Variants in SPMIP7 observed in about 807,000 individuals in gnomAD.
SPMIP7 encodes the protein protein SPMIP7.
the SPMIP7 span, among the ~76,000 whole-genome samples, chr7:50,110,667 A>ATATATAT: frequency 7.3e-6 from 1 of 136,514 alleles, no homozygotes; most frequent in Non-Finnish European, 1.5e-5. Flanking sequence ...TGTGTACATC[A>ATATATAT]CATATATCAT....
the SPMIP7 span, among the ~76,000 whole-genome samples, chr7:50,155,708 G>A: frequency 5.3e-5 from 8 of 151,680 alleles, no homozygotes; most frequent in African/African-American, 1.5e-4. Flanking sequence ...TACTCCCAGA[G>A]AATATAACTT....
At chr7:50,112,389 G>A in the SPMIP7 span, among the ~76,000 whole-genome samples, 5 of 152,022 alleles carry the variant, frequency 3.3e-5, no homozygotes, top group Non-Finnish European at 7.4e-5. Flanking sequence ...TGCTGAAGGA[G>A]ACTATCCTGT....
the SPMIP7 span, among the ~76,000 whole-genome samples, chr7:50,152,335 A>C: frequency 2.6e-5 from 4 of 151,860 alleles, no homozygotes; most frequent in African/African-American, 7.3e-5. Context: ...ACAGAGTGAG[A>C]CTCCATCTAA....
the SPMIP7 span, among the ~76,000 whole-genome samples, chr7:50,102,594 C>A: frequency 2.0e-5 from 3 of 152,254 alleles, no homozygotes; most frequent in African/African-American, 7.2e-5. Flanking sequence ...CCTTCTAAAG[C>A]CACAGACTAT....
the SPMIP7 span, among the ~76,000 whole-genome samples, chr7:50,147,269 G>A: frequency 6.6e-6 from 1 of 152,176 alleles, no homozygotes; most frequent in Non-Finnish European, 1.5e-5. Context: ...GCAGCCCACT[G>A]TGAGCTAATG....
the SPMIP7 span, among the ~76,000 whole-genome samples, chr7:50,130,634 A>G: frequency 2.0e-5 from 3 of 152,128 alleles, no homozygotes; most frequent in East Asian, 1.9e-4. Flanking sequence ...AGATAAGTCT[A>G]TTAAGAAAAG....
chr7:50,126,995 G>C, the SPMIP7 span, among the ~76,000 whole-genome samples: 1 of 152,022 alleles, frequency 6.6e-6, no homozygotes, highest in Non-Finnish European at 1.5e-5. Flanking sequence ...CACACTTCCT[G>C]ACTTCAAAAT....
the SPMIP7 span, among the ~76,000 whole-genome samples, chr7:50,103,435 G>A: frequency 8.5e-5 from 13 of 152,166 alleles, no homozygotes; most frequent in African/African-American, 3.1e-4. Context: ...CAATCCATCT[G>A]CAGGTTGAGT....
chr7:50,103,066 A>ATAAT, the SPMIP7 span, among the ~76,000 whole-genome samples: 39 of 136,004 alleles, frequency 2.9e-4, no homozygotes, highest in Non-Finnish European at 5.0e-4. Context: ...ATATATATAT[A>ATAAT]ATATATATAA....
At chr7:50,153,822 G>A in the SPMIP7 span, among the ~76,000 whole-genome samples, 1,297 of 152,198 alleles carry the variant, frequency 8.5e-3, 13 homozygotes, top group East Asian at 0.019. Context: ...GGCACCCTAG[G>A]GGGTGGCTCT....
the SPMIP7 span, among the ~76,000 whole-genome samples, chr7:50,155,175 C>G: frequency 2.0e-5 from 3 of 152,294 alleles, no homozygotes; most frequent in South Asian, 4.1e-4. Flanking sequence ...CCTCGCTGCA[C>G]AGAAGTATTT....
At chr7:50,137,831 T>C in the SPMIP7 span, among the ~76,000 whole-genome samples, 9 of 152,212 alleles carry the variant, frequency 5.9e-5, no homozygotes, top group African/African-American at 1.9e-4. Context: ...ATATATTTTG[T>C]CCCTTTTGCT....
chr7:50,134,228 G>A, the SPMIP7 span: 1 of 1,541,488 alleles, frequency 6.5e-7, no homozygotes, highest in Non-Finnish European at 8.7e-7. Flanking sequence ...GATATAAAGG[G>A]GTGCCAGCAA....
chr7:50,155,677 T>C, the SPMIP7 span, among the ~76,000 whole-genome samples: 1,417 of 152,242 alleles, frequency 9.3e-3, 21 homozygotes, highest in African/African-American at 0.033. Context: ...TATTTCTAAA[T>C]GAAAAACTGT....
At chr7:50,140,926 T>A in the SPMIP7 span, among the ~76,000 whole-genome samples, 1 of 152,260 alleles carries the variant, frequency 6.6e-6, no homozygotes, top group East Asian at 1.9e-4. Context: ...AGCCTTATAA[T>A]CTCTGGCACA....
the SPMIP7 span, among the ~76,000 whole-genome samples, chr7:50,098,560 G>A: frequency 6.6e-5 from 10 of 152,276 alleles, no homozygotes; most frequent in East Asian, 1.9e-3. Flanking sequence ...TGAAACAACA[G>A]ATAATTGTTT....
the SPMIP7 span, chr7:50,141,132 G>T: frequency 9.7e-6 from 5 of 513,942 alleles, no homozygotes; most frequent in Non-Finnish European, 1.8e-5. Flanking sequence ...AAGGAAAATT[G>T]TTCTATCATT....
At chr7:50,142,903 ACAAAG>A in the SPMIP7 span, 6 of 152,234 alleles carry the variant, frequency 3.9e-5, no homozygotes, top group Non-Finnish European at 8.8e-5. Flanking sequence ...TGCTTGAGCT[ACAAAG>A]CAAAGTACAG....
chr7:50,143,366 C>T, the SPMIP7 span, among the ~76,000 whole-genome samples: 1 of 152,020 alleles, frequency 6.6e-6, no homozygotes, highest in African/African-American at 2.4e-5. Context: ...GGGGTTTCGC[C>T]ATGTTGGCCA....
Sources: allele counts gnomAD v4.1 joint callset (sites outside exome capture counted in the v4.1 genomes callset), GRCh38; gene constraint gnomAD v4.1.1; transcripts MANE v1.5; gene names NCBI Gene and HGNC (gene_info 2026-07-23, HGNC 2026-07-21).